ADGRB3: variants seen among roughly 807,000 people sequenced by gnomAD.
ADGRB3 encodes the protein adhesion G protein-coupled receptor B3, also known as brain-specific angiogenesis inhibitor 3.
ADGRB3 carries 37 observed loss-of-function variants against 193.4 expected under a neutral mutation model. That is an observed-to-expected ratio of 0.19 (90% CI 0.15 to 0.25). The LOEUF (loss-of-function observed/expected upper bound fraction) is 0.25, where lower values mean the gene tolerates loss of function less well. Ranked by LOEUF, ADGRB3 falls within the 10% of genes least tolerant of loss-of-function variation. The pLI, the probability that ADGRB3 is intolerant of heterozygous loss-of-function variation, is 1.00. For missense variants in ADGRB3, 1,637 were observed against 1,852.9 expected (o/e 0.88, Z 2.14); for synonymous variants, 690 against 644.2 (o/e 1.07, Z -1.08).
intron 20 of ADGRB3, among the ~76,000 whole-genome samples, chr6:69,309,190 C>A (rs951661343): frequency 6.6e-6 from 1 of 151,596 alleles, no homozygotes; most frequent in Admixed American, 6.6e-5. Flanking sequence ...TGGATAAAAC[C>A]TACATGTCAG....
rs141091594 is a variant in ADGRB3 at position 69,097,145 on chromosome 6, T to C, written c.2480+21107T>C. On this transcript the variant is annotated intron_variant, in intron 17 of 31. Coordinates refer to ENST00000370598, the MANE Select transcript of ADGRB3 (RefSeq NM_001704.3). ...TTTTATCTTTGGGAATGTTCAATAA[T>C]ATTTAAAGAAAGGTCGTGTTGATGC... 3.9e-5 allele frequency among the ~76,000 whole-genome samples: 6 copies of C among 152,314 alleles called. No homozygotes were observed. In the East Asian group the frequency reaches 1.2e-3, roughly 29 times the overall value.
At chr6:69,321,991 C>T (rs1265624477) in intron 20 of ADGRB3, among the ~76,000 whole-genome samples, 4 of 151,630 alleles carry the variant, frequency 2.6e-5, no homozygotes, top group African/African-American at 9.7e-5. Flanking sequence ...GTTATTTTTC[C>T]TGATCTCCTT....
chr6:68,774,037 G>A (rs1407659245), intron 3 of ADGRB3, among the ~76,000 whole-genome samples: 5 of 152,006 alleles, frequency 3.3e-5, no homozygotes, highest in Non-Finnish European at 7.4e-5. Flanking sequence ...ACACAAACAT[G>A]TAAAATTACA....
At chr6:69,230,612 A>T (rs1027702325) in intron 17 of ADGRB3, among the ~76,000 whole-genome samples, 1 of 152,044 alleles carries the variant, frequency 6.6e-6, no homozygotes, top group African/African-American at 2.4e-5. Flanking sequence ...CTAGTGAGTT[A>T]AAAAAAACTC....
chr6:69,038,531 A>G (rs1770941333), intron 13 of ADGRB3, among the ~76,000 whole-genome samples: 1 of 152,224 alleles, frequency 6.6e-6, no homozygotes, highest in Non-Finnish European at 1.5e-5. Flanking sequence ...TCAGAGAAAC[A>G]TACAAAAATG....
intron 20 of ADGRB3, among the ~76,000 whole-genome samples, chr6:69,283,878 A>G (rs897764069): frequency 5.3e-5 from 8 of 152,208 alleles, no homozygotes; most frequent in African/African-American, 1.4e-4. Context: ...AGCGGTGTCA[A>G]TTGAATGGCT....
intron 17 of ADGRB3, among the ~76,000 whole-genome samples, chr6:69,192,137 G>A (rs931626154): frequency 6.6e-6 from 1 of 152,180 alleles, no homozygotes; most frequent in Non-Finnish European, 1.5e-5. Flanking sequence ...ACAGTCACAA[G>A]GTGAGGTCCC....
intron 3 of ADGRB3, among the ~76,000 whole-genome samples, chr6:68,850,131 A>G (rs1467880213): frequency 6.6e-6 from 1 of 151,778 alleles, no homozygotes; most frequent in African/African-American, 2.4e-5. Flanking sequence ...CAGGTCCCAT[A>G]GTTTTTTTAT....
At chr6:69,055,609 T>C (rs906378016) in intron 15 of ADGRB3, among the ~76,000 whole-genome samples, 2 of 152,194 alleles carry the variant, frequency 1.3e-5, no homozygotes, top group African/African-American at 4.8e-5. Flanking sequence ...GGTGTTCAAA[T>C]ATTTCTTTGA....
At chr6:69,192,132 C>A (rs1003321957) in intron 17 of ADGRB3, among the ~76,000 whole-genome samples, 7 of 152,080 alleles carry the variant, frequency 4.6e-5, no homozygotes, top group Admixed American at 4.6e-4. Flanking sequence ...CTCATACAGT[C>A]ACAAGGTGAG....
At chr6:69,131,744 T>G (rs1274625955) in intron 17 of ADGRB3, among the ~76,000 whole-genome samples, 4 of 151,982 alleles carry the variant, frequency 2.6e-5, no homozygotes, top group African/African-American at 9.7e-5. Flanking sequence ...GTTATCTACA[T>G]TAGGTATTTC....
rs181557823 is a variant in ADGRB3 at position 68,697,796 on chromosome 6, G to C, written c.757+58364G>C. On this transcript the variant is annotated intron_variant, in intron 3 of 31. Transcript: ENST00000370598. ...TTACCAGATATAGGACTAGCTCTTT[G>C]CTGTTGAAGACTTTCAAAGGATTTG... Among the ~76,000 whole-genome samples the C allele has an allele frequency of 3.2e-4, 49 of 152,052 alleles. 1 individual carries two copies. The highest frequency in any genetic ancestry group is 3.4e-3 in the Middle Eastern group (1 of 294).
At chr6:69,064,165 C>T (rs1338442918) in intron 16 of ADGRB3, among the ~76,000 whole-genome samples, 1 of 151,738 alleles carries the variant, frequency 6.6e-6, no homozygotes, top group African/African-American at 2.4e-5. Context: ...TGATAATCAC[C>T]TTTTCTGTGA....
At chr6:68,926,834 A>G (rs1303589355) in intron 3 of ADGRB3, among the ~76,000 whole-genome samples, 2 of 152,188 alleles carry the variant, frequency 1.3e-5, no homozygotes, top group African/African-American at 4.8e-5. Flanking sequence ...ATAATTGACT[A>G]TCAAAAGTCA....
rs905738002 is a variant in ADGRB3 at position 69,354,139 on chromosome 6, G to A, written c.3460-94G>A. ...AAATCAGTATAAGATAGTAAAATCA[G>A]TGATAACCACTGCCTCAGAGCTGAT... On this transcript the variant is annotated intron_variant, in intron 26 of 31. Coordinates refer to ENST00000370598, the MANE Select transcript of ADGRB3 (RefSeq NM_001704.3). 8 of 823,806 alleles carry A rather than the reference G, an allele frequency of 9.7e-6. No homozygotes were observed. In the African/African-American group the frequency reaches 1.0e-4, roughly 11 times the overall value. 51.0% of individuals were successfully genotyped at this position (823,806 alleles called of 1,614,324 possible). A position where few individuals can be genotyped will look rare whatever the true frequency, so the allele number is the denominator to read the frequency against.
At chr6:68,730,560 C>A (rs975090380) in intron 3 of ADGRB3, among the ~76,000 whole-genome samples, 1 of 151,610 alleles carries the variant, frequency 6.6e-6, no homozygotes, top group Non-Finnish European at 1.5e-5. Context: ...GCAATTGACT[C>A]TTAACTATTA....
chr6:68,830,415 G>C (rs980481908), intron 3 of ADGRB3, among the ~76,000 whole-genome samples: 1 of 152,014 alleles, frequency 6.6e-6, no homozygotes, highest in African/African-American at 2.4e-5. Flanking sequence ...GCAATATATA[G>C]AACTTGGAAT....
intron 11 of ADGRB3, among the ~76,000 whole-genome samples, chr6:68,995,509 A>G (rs1233959783): frequency 2.6e-5 from 4 of 152,210 alleles, no homozygotes; most frequent in Non-Finnish European, 5.9e-5. Context: ...ATTCAATGAA[A>G]AATTCCATTA....
Position 68,771,425 on chromosome 6 carries a change from C to A in ADGRB3, c.757+131993C>A, listed in dbSNP as rs1396586290. Among the ~76,000 whole-genome samples, 10 of 151,970 alleles carry A rather than the reference C, an allele frequency of 6.6e-5. No homozygotes were observed. The South Asian group carries it at 2.1e-3, about 32-fold the overall frequency. ...ACACACACACACATATATGTATACA[C>A]ACACATACATATGTTTGCTCATATA... On this transcript the variant is annotated intron_variant, in intron 3 of 31. Coordinates refer to ENST00000370598, the MANE Select transcript of ADGRB3 (RefSeq NM_001704.3).
Sources: gnomAD v4.1 joint callset for allele counts (sites outside exome capture counted in the v4.1 genomes callset) on GRCh38, gnomAD v4.1.1 for gene constraint, MANE v1.5 for transcripts, NCBI Gene and HGNC (gene_info 2026-07-23, HGNC 2026-07-21) for gene names.